The following GLI2 variants were observed in gnomAD, a reference collection of about 807,000 sequenced individuals.
GLI2 encodes the protein GLI family zinc finger 2.
In GLI2, 22 loss-of-function variants were observed where a neutral mutation model predicts 78.9. The observed-to-expected ratio is 0.28, with a 90% confidence interval of 0.20 to 0.40. The LOEUF (loss-of-function observed/expected upper bound fraction) is 0.40, where lower values mean the gene tolerates loss of function less well. GLI2 is among the 10% of genes least tolerant of loss of function. The pLI is 1.00. For missense variants in GLI2, 2,097 were observed against 2,213.2 expected, an observed-to-expected ratio of 0.95 and a Z score of 1.05; for synonymous variants, 974 against 963.7, an observed-to-expected ratio of 1.01 and a Z score of -0.20.
intron 2 of GLI2, among the ~76,000 whole-genome samples, chr2:120,923,729 A>G (rs1679519621): frequency 1.3e-5 from 2 of 151,722 alleles, no homozygotes; most frequent in South Asian, 4.2e-4. Context: ...GACACACACG[A>G]CACACTACAC....
chr2:120,990,673 TAG>T lies in GLI2; in HGVS notation c.*1_*2del. On this transcript the variant is annotated frameshift_variant and stop_lost, in exon 14 of 14. Transcript: ENST00000361492. LOFTEE classifies it high-confidence loss of function. ...GAGCAAGTTCCTGAACATGATGACC[TAG>T]AGGCCCGAGCGCCTGGTGCTGAGTG... ...EESKFLNMMT* is the reference protein window; with the variant it reads ...EESKFLNMMTX The T allele has an allele frequency of 6.2e-7, 1 of 1,610,826 alleles. No homozygotes were observed.
chr2:120,989,802 C>T lies in GLI2; in HGVS notation c.3837C>T (p.Gly1279=). The T allele has an allele frequency of 1.9e-6, 3 of 1,610,456 alleles. No homozygotes were observed. Among genetic ancestry groups the T allele is most frequent in the Non-Finnish European group, 2.5e-6 (3 of 1,178,236 alleles). ...TEVAPDPTTM[G]NRHRELGVPD... is the part of the protein sequence containing the mutation. Reference sequence around the variant, plus strand: ...TGGCACCTGACCCCACCACGATGGGCAATCGCCACAGGGAACTTGGGGTCC... The same window carrying T: ...TGGCACCTGACCCCACCACGATGGGTAATCGCCACAGGGAACTTGGGGTCC... The change falls in exon 14 of 14, where the codon GGC becomes GGT. Residue 1279 remains glycine, a synonymous_variant. Transcript: ENST00000361492.
At chr2:120,972,357 C>A (rs1365052644) in intron 8 of GLI2, among the ~76,000 whole-genome samples, 1 of 152,246 alleles carries the variant, frequency 6.6e-6, no homozygotes, top group Non-Finnish European at 1.5e-5. Flanking sequence ...TCTCTCTCGC[C>A]ACACCTGACC....
In GLI2 at chr2:120,841,212, T is replaced by C. The variant is rs72835569; in HGVS notation, c.148+43744T>C. Among the ~76,000 whole-genome samples the C allele has an allele frequency of 5.0e-3, 764 of 152,308 alleles. 3 individuals carry two copies. Among genetic ancestry groups the C allele is most frequent in the Non-Finnish European group, 6.9e-3 (466 of 68,024 alleles). ...CACTCCCTGCAAAAGACCCATGAAG[T>C]GGTCGGTTTTCAGAGGAGGAAATCC... On this transcript the variant is annotated intron_variant, in intron 2 of 13. Transcript: ENST00000361492.
chr2:120,919,280 G>T (rs1022673619), intron 2 of GLI2, among the ~76,000 whole-genome samples: 7 of 152,234 alleles, frequency 4.6e-5, no homozygotes, highest in African/African-American at 1.7e-4. Context: ...GAATCCCAAA[G>T]TCCCCCATAG....
At chr2:120,828,027 G>A (rs1052386957) in intron 2 of GLI2, among the ~76,000 whole-genome samples, 2 of 152,160 alleles carry the variant, frequency 1.3e-5, no homozygotes, top group African/African-American at 4.8e-5. Flanking sequence ...GCATGGAAAT[G>A]GTACATTTTA....
At chr2:120,842,175 CT>C (rs1226121428) in intron 2 of GLI2, among the ~76,000 whole-genome samples, 3 of 152,066 alleles carry the variant, frequency 2.0e-5, no homozygotes, top group African/African-American at 4.8e-5. Context: ...AGCCAGCCCC[CT>C]GGTTCCCCTC....
At chr2:120,773,903 CTCCTTCCT>C (rs535223818) in intron 1 of GLI2, among the ~76,000 whole-genome samples, 34 of 114,148 alleles carry the variant, frequency 3.0e-4, no homozygotes, top group African/African-American at 3.6e-4. Flanking sequence ...CCCTGCCTCC[CTCCTTCCT>C]TCCTTCCTTC....
chr2:120,759,752 G>T (rs1470202854), intron 1 of GLI2, among the ~76,000 whole-genome samples: 1 of 152,132 alleles, frequency 6.6e-6, no homozygotes, highest in Non-Finnish European at 1.5e-5. Context: ...CGCCCCCGAG[G>T]TTGGAGGTAG....
At chr2:120,891,955 C>T (rs965191005) in intron 2 of GLI2, among the ~76,000 whole-genome samples, 3 of 152,196 alleles carry the variant, frequency 2.0e-5, no homozygotes, top group African/African-American at 7.2e-5. Flanking sequence ...CTTCACTGAG[C>T]ACAGTGGGTG....
At chr2:120,849,093 T>A (rs76137595) in intron 2 of GLI2, among the ~76,000 whole-genome samples, 4,320 of 152,292 alleles carry the variant, frequency 0.028, 208 homozygotes, top group African/African-American at 0.098. Flanking sequence ...AGAGGACACG[T>A]CCTCATGATT....
rs1421455620 is a variant in GLI2 at position 120,735,918 on chromosome 2, C to G, written c.-398C>G. ...GCTTGCCAGCCGAGGCAGCACGGCT[C>G]CGCGGACTTTTTTTCAAACTCCCAT... On this transcript the variant is annotated 5_prime_UTR_variant, in exon 1 of 14. Coordinates refer to ENST00000361492, the MANE Select transcript of GLI2 (RefSeq NM_001374353.1). Among the ~76,000 whole-genome samples the G allele has an allele frequency of 6.6e-6, 1 of 151,954 alleles. No individual in the cohort carries two copies. The highest frequency in any genetic ancestry group is 1.5e-5 in the Non-Finnish European group (1 of 67,962).
chr2:120,935,365 G>A (rs1408063637), intron 3 of GLI2, among the ~76,000 whole-genome samples: 1 of 152,224 alleles, frequency 6.6e-6, no homozygotes, highest in Non-Finnish European at 1.5e-5. Context: ...CTGGGTCCAG[G>A]CGATGTGTCG....
intron 2 of GLI2, among the ~76,000 whole-genome samples, chr2:120,827,293 T>C (rs921424732): frequency 2.0e-5 from 3 of 152,226 alleles, no homozygotes; most frequent in African/African-American, 7.2e-5. Context: ...GTAGTGCCTC[T>C]GCCTGTGAGC....
At chr2:120,931,167 G>C (rs1033232119) in intron 3 of GLI2, among the ~76,000 whole-genome samples, 1 of 152,208 alleles carries the variant, frequency 6.6e-6, no homozygotes, top group African/African-American at 2.4e-5. Flanking sequence ...AAGTCTTATG[G>C]TACTTAAAAT....
intron 5 of GLI2, among the ~76,000 whole-genome samples, chr2:120,959,652 G>A (rs1208217283): frequency 1.3e-5 from 2 of 152,120 alleles, no homozygotes; most frequent in East Asian, 1.9e-4. Flanking sequence ...AGGCGGCTCG[G>A]GCTGGACCTG....
chr2:120,858,872 C>T (rs1341647448), intron 2 of GLI2, among the ~76,000 whole-genome samples: 2 of 152,202 alleles, frequency 1.3e-5, no homozygotes, highest in African/African-American at 2.4e-5. Flanking sequence ...GAAAGTGTTT[C>T]TTAATGTAGG....
At chr2:120,809,277 T>C (rs1187101327) in intron 2 of GLI2, among the ~76,000 whole-genome samples, 1 of 151,958 alleles carries the variant, frequency 6.6e-6, no homozygotes, top group African/African-American at 2.4e-5. Context: ...AGCACAAATA[T>C]TGTAGGATTC....
rs547116850 is a variant in GLI2 at position 120,975,829 on chromosome 2, C to T, written c.1317+720C>T. 3.3e-5 allele frequency among the ~76,000 whole-genome samples: 5 copies of T among 152,334 alleles called. No homozygotes were observed. In the South Asian group the frequency reaches 1.0e-3, roughly 32 times the overall value. On this transcript the variant is annotated intron_variant, in intron 9 of 13. Transcript: ENST00000361492. ...GGCACGGGAGACACCTGGCTCCAAA[C>T]CTGTCCCCACCACAACCAGCTGAGT...
Sources: allele counts gnomAD v4.1 joint callset (sites outside exome capture counted in the v4.1 genomes callset), GRCh38; gene constraint gnomAD v4.1.1; transcripts MANE v1.5; gene names NCBI Gene and HGNC (gene_info 2026-07-23, HGNC 2026-07-21).